The following COL6A1 variants were observed in gnomAD, a reference collection of about 807,000 sequenced individuals.
COL6A1 encodes the protein collagen alpha-1(VI) chain.
A neutral mutation model predicts 145.6 loss-of-function variants in COL6A1; 80 were observed. The observed-to-expected ratio is 0.55, with a 90% CI of 0.46 to 0.66. The LOEUF is 0.66. Among genes scored for constraint, COL6A1 ranks in the 30% least tolerant of loss-of-function variants. The pLI, the probability that COL6A1 is intolerant of heterozygous loss-of-function variation, is 0.00. For missense variants in COL6A1, 1,364 were observed against 1,473.8 expected, an observed-to-expected ratio of 0.93 and a Z score of 1.22; for synonymous variants, 638 against 622.8, an observed-to-expected ratio of 1.02 and a Z score of -0.36.
At chr21:45,986,484 CCCA>C (rs1432913233) in intron 3 of COL6A1, 39 bp from the exon 4 acceptor site, 2 of 1,547,832 alleles carry the variant, frequency 1.3e-6, no homozygotes, top group African/African-American at 2.7e-5. Flanking sequence ...CTCCAGTTCC[CCCA>C]CCTAGTCTCG....
At position 46,003,746 on chromosome 21, in the gene COL6A1, G is replaced by A. The variant is rs111451684; in HGVS notation, c.2820G>A (p.Leu940=). ...CCGGCGCTGCCAAGAAGAGGCTGCT[G>A]CTCTTCTCAGATGGCAACTCGCAGG... The part of the protein sequence containing the change: ...ASSGAAKKRL[L]LFSDGNSQGA... Residue 940 remains leucine (L), a synonymous_variant, in exon 35 of 35, where the codon CTG becomes CTA. Transcript: ENST00000361866. 9.2e-5 allele frequency: 149 copies of A among 1,612,886 alleles called. No individual in the cohort carries two copies. The African/African-American group carries it at 1.4e-3, about 15-fold the overall frequency.
chr21:45,986,696 G>C lies in COL6A1; in HGVS notation c.588+11G>C, dbSNP rs1319962390. ...ACACCCGACCACCTGGTAGGCACCG[G>C]CCCCCCCCGGCAGATGCCCCCAACC... On this transcript the variant is annotated intron_variant, in intron 4 of 34. Coordinates refer to ENST00000361866, the MANE Select transcript of COL6A1 (RefSeq NM_001848.3). 1.5e-5 allele frequency: 23 copies of C among 1,544,352 alleles called. No homozygotes were observed. The highest frequency in any genetic ancestry group is 4.1e-5 in the African/African-American group (3 of 72,648).
rs769795690 is a variant in COL6A1 at position 46,003,837 on chromosome 21, G to C, written c.2911G>C (p.Val971Leu). 7 of 1,602,382 alleles carry C rather than the reference G, an allele frequency of 4.4e-6. No homozygotes were observed. Among genetic ancestry groups the C allele is most frequent in the South Asian group, 3.3e-5 (3 of 90,806 alleles). The change falls in exon 35 of 35, where the codon GTG (valine) becomes CTG (leucine). Residue 971 changes from valine to leucine, a missense_variant. By Grantham distance (32) the Val-to-Leu change is conservative. Coordinates refer to ENST00000361866, the MANE Select transcript of COL6A1 (RefSeq NM_001848.3). ...EAQRAGIEIF[V>L]VVVGRQVNEP... is the part of the protein sequence containing the mutation. Reference sequence around the variant, plus strand: ...CCAGCGGGCAGGCATCGAGATCTTCGTGGTGGTCGTGGGCCGCCAGGTGAA... The same window carrying C: ...CCAGCGGGCAGGCATCGAGATCTTCCTGGTGGTCGTGGGCCGCCAGGTGAA...
rs1433812178 is a variant in COL6A1 at position 45,986,704 on chromosome 21, C to CCG, written c.588+19_588+20insCG. ...CCACCTGGTAGGCACCGGCCCCCCC[C>CCG]GGCAGATGCCCCCAACCACAGGGAG... On this transcript the variant is annotated intron_variant, in intron 4 of 34. Transcript: ENST00000361866. 6.5e-7 allele frequency: 1 copy of CCG among 1,542,086 alleles called. No homozygotes were observed. Among genetic ancestry groups the CCG allele is most frequent in the African/African-American group, 1.4e-5 (1 of 73,094 alleles).
chr21:45,998,351 C>T (rs373925827), intron 23 of COL6A1, 47 bp from the exon 24 acceptor site: 1 of 1,611,968 alleles, frequency 6.2e-7, no homozygotes, highest in South Asian at 1.1e-5. Flanking sequence ...CACAGCCTCC[C>T]CTCTCAAATC....
At position 45,982,662 on chromosome 21, in the gene COL6A1, G is replaced by A. The variant is rs1175862812; in HGVS notation, c.126G>A (p.Leu42=). The change falls in exon 2 of 35, where the codon CTG becomes CTA. Residue 42 remains leucine (L), a synonymous_variant. Transcript: ENST00000361866. ...QDCPVDLFFV[L]DTSESVALRL... The stretch of plus-strand genomic sequence containing the variant: ...GCCCCGTGGACCTGTTCTTTGTGCT[G>A]GACACCTCTGAGAGCGTGGCCCTGA... The A allele has an allele frequency of 5.6e-6, 9 of 1,612,754 alleles. No individual in the cohort carries two copies. Among genetic ancestry groups the A allele is most frequent in the East Asian group, 2.2e-5 (1 of 44,878 alleles).
Position 45,992,397 on chromosome 21 carries a change from G to C in COL6A1, c.1271G>C (p.Arg424Pro). 1 of 1,612,970 alleles carries C rather than the reference G, an allele frequency of 6.2e-7. No individual in the cohort carries two copies. The highest frequency in any genetic ancestry group is 8.5e-7 in the Non-Finnish European group (1 of 1,179,850). Residue 424 changes from arginine to proline, a missense_variant and splice_region_variant, in exon 18 of 35, where the codon CGG becomes CCG. Physicochemically the swap from Arg to Pro is moderately radical, Grantham distance 103. Around this residue, in one of 3 missense-constraint regions of COL6A1, gnomAD observed 938 missense variants for 1,003.8 expected, o/e 0.93. Coordinates refer to ENST00000361866, the MANE Select transcript of COL6A1 (RefSeq NM_001848.3). The stretch of plus-strand genomic sequence containing the variant: ...GGACCTGACGGTGCCCCCGGGGAGC[G>C]GGTGAGTGGGGCAGGGGCAGCCTGC... ...NPGPDGAPGE[R>P]GGPGERGPRG...
At position 45,986,935 on chromosome 21, in the gene COL6A1, T is replaced by A; in HGVS notation, c.589-9T>A. 6.5e-7 allele frequency: 1 copy of A among 1,545,698 alleles called. No individual in the cohort carries two copies. The highest frequency in any genetic ancestry group is 8.7e-7 in the Non-Finnish European group (1 of 1,149,762). On this transcript the variant is annotated splice_polypyrimidine_tract_variant and intron_variant, in intron 4 of 34. Transcript: ENST00000361866. The stretch of plus-strand genomic sequence containing the variant: ...GCCCTGCTCAGCCCACCCTGAACAC[T>A]GCCCCCAGGAGCCGCGTCTGAGCAT...
At chr21:45,995,314 G>A (rs764359952) in intron 20 of COL6A1, among the ~76,000 whole-genome samples, 1 of 152,200 alleles carries the variant, frequency 6.6e-6, no homozygotes, top group Non-Finnish European at 1.5e-5. Flanking sequence ...TTGAGCTCCC[G>A]GGGCTCCAGC....
intron 19 of COL6A1, among the ~76,000 whole-genome samples, chr21:45,993,155 C>T (rs1232329595): frequency 2.0e-5 from 3 of 152,368 alleles, no homozygotes; most frequent in African/African-American, 4.8e-5. Flanking sequence ...GTACCCCAGA[C>T]GGGAAGCTAG....
intron 13 of COL6A1, 44 bp downstream of exon 13, chr21:45,990,466 ATGGGGCGAGATGG>A: frequency 1.3e-5 from 3 of 225,864 alleles, no homozygotes; most frequent in Middle Eastern, 1.3e-3. Context: ...ACGAGGAGGA[ATGGGGCGAGATGG>A]GGAGGGACGG....
In COL6A1 at chr21:46,002,395, C is replaced by T; in HGVS notation, c.2244C>T (p.Gly748=). The change falls in exon 32 of 35, where the codon GGC becomes GGT. Residue 748 remains glycine (G), a synonymous_variant. Transcript: ENST00000361866. ...TTPLNVLCSP[G]IQVVSVGIKD... is the part of the protein sequence containing the mutation. The stretch of plus-strand genomic sequence containing the variant: ...CGCTCAACGTGCTCTGCAGCCCCGG[C>T]ATCCAGGTGGGGTGGCCACCCCCAG... 1.9e-6 allele frequency: 3 copies of T among 1,603,224 alleles called. No homozygotes were observed. Among genetic ancestry groups the T allele is most frequent in the Middle Eastern group, 1.7e-4 (1 of 6,048 alleles).
intron 22 of COL6A1, 57 bp from the exon 23 acceptor site, chr21:45,998,064 C>CA: frequency 6.3e-7 from 1 of 1,599,300 alleles, no homozygotes; most frequent in Non-Finnish European, 8.5e-7. Context: ...CTGTGCCAGC[C>CA]AGTGGGTATC....
In COL6A1 at chr21:45,982,786, T is replaced by C. The variant is rs769458106; in HGVS notation, c.227+23T>C. The C allele has an allele frequency of 8.5e-5, 137 of 1,610,194 alleles. 2 individuals are homozygous for C. The highest frequency in any genetic ancestry group is 5.8e-4 in the South Asian group (53 of 91,082). On this transcript the variant is annotated intron_variant, in intron 2 of 34. Coordinates refer to ENST00000361866, the MANE Select transcript of COL6A1 (RefSeq NM_001848.3). ...CAGGTAGGAGGGACGCCCCGTGACC[T>C]TCCTCCTGTGCTTCTGGGCCTCTTG...
chr21:45,982,207 G>A (rs1434858592), intron 1 of COL6A1, among the ~76,000 whole-genome samples: 1 of 152,204 alleles, frequency 6.6e-6, no homozygotes, highest in South Asian at 2.1e-4. Flanking sequence ...TGGCGAGGGG[G>A]AGCTGGTGCG....
At chr21:45,997,842 A>G in intron 22 of COL6A1, 80 bp downstream of exon 22, 4 of 1,452,808 alleles carry the variant, frequency 2.8e-6, no homozygotes, top group Non-Finnish European at 3.8e-6. Flanking sequence ...CGCACTGTGG[A>G]GCTGCCTGGG....
At chr21:45,983,355 G>GGAGA (rs1382900483) in intron 2 of COL6A1, among the ~76,000 whole-genome samples, 2 of 151,996 alleles carry the variant, frequency 1.3e-5, no homozygotes, top group Non-Finnish European at 2.9e-5. Flanking sequence ...ACAGACCGGG[G>GGAGA]GGAGAGGGGA....
chr21:46,002,489 A>G, intron 32 of COL6A1, 38 bp from the exon 33 acceptor site: 1 of 1,613,620 alleles, frequency 6.2e-7, no homozygotes, highest in South Asian at 1.1e-5. Context: ...ACGAGGGCAG[A>G]GCAGGCTGCG....
At chr21:45,990,019 CCT>C (rs2077765100) in intron 11 of COL6A1, among the ~76,000 whole-genome samples, 1 of 11,326 alleles carries the variant, frequency 8.8e-5, no homozygotes, top group African/African-American at 2.9e-4. Context: ...GGGCGGTTAC[CCT>C]CTGCGGAGCC....
Sources: gnomAD v4.1 joint callset for allele counts (sites outside exome capture counted in the v4.1 genomes callset) on GRCh38, gnomAD v4.1.1 for gene constraint, gnomAD v4.1.1 regional missense constraint, MANE v1.5 for transcripts, NCBI Gene and HGNC (gene_info 2026-07-23, HGNC 2026-07-21) for gene names.